Variants in NUP205 observed in about 807,000 individuals in gnomAD.
NUP205 encodes nucleoporin 205.
A neutral mutation model predicts 253.8 loss-of-function variants in NUP205; 76 were observed. That is an observed-to-expected ratio of 0.30 (90% CI 0.25 to 0.36). The LOEUF is 0.36. Ranked by LOEUF, NUP205 falls within the 10% of genes least tolerant of loss-of-function variation. The pLI, the probability that NUP205 is intolerant of heterozygous loss-of-function variation, is 1.00. For synonymous variants in NUP205, 832 were observed against 850.1 expected (o/e 0.98, Z 0.37); for missense variants, 2,162 against 2,425.5 (o/e 0.89, Z 2.28).
intron 22 of NUP205, among the ~76,000 whole-genome samples, chr7:135,612,517 T>C (rs972611577): frequency 3.3e-5 from 5 of 152,198 alleles, no homozygotes; most frequent in African/African-American, 4.8e-5. Flanking sequence ...GGGGCTGTTT[T>C]AAACAGCAAA....
At chr7:135,568,402 G>A (rs1313061083) in intron 1 of NUP205, among the ~76,000 whole-genome samples, 2 of 151,694 alleles carry the variant, frequency 1.3e-5, no homozygotes, top group African/African-American at 4.8e-5. Flanking sequence ...GCGTGATCTT[G>A]GCTCACTGCA....
intron 1 of NUP205, among the ~76,000 whole-genome samples, chr7:135,558,519 T>C (rs1805496048): frequency 6.6e-6 from 1 of 152,198 alleles, no homozygotes; most frequent in Admixed American, 6.5e-5. Flanking sequence ...GGTTAGGCCC[T>C]GGATGTTCTT....
At chr7:135,626,445 G>T (rs865993286) in intron 33 of NUP205, 84 bp downstream of exon 33, 2 of 1,433,890 alleles carry the variant, frequency 1.4e-6, no homozygotes, top group African/African-American at 1.4e-5. Context: ...TAATTTTGCC[G>T]CTTAGCAATT....
chr7:135,601,202 T>A (rs1793958511), intron 16 of NUP205, among the ~76,000 whole-genome samples, 168 bp from the exon 17 acceptor site: 2 of 152,100 alleles, frequency 1.3e-5, no homozygotes, highest in African/African-American at 4.8e-5. Context: ...ACTAACTGCT[T>A]TGTGCAGATT....
chr7:135,601,276 A>G, intron 16 of NUP205, 94 bp from the exon 17 acceptor site: 9 of 1,154,380 alleles, frequency 7.8e-6, no homozygotes, highest in South Asian at 6.0e-5. Context: ...TCTAGATGCC[A>G]TCTAATTTAC....
At chr7:135,573,387 A>G (rs1806055418) in intron 2 of NUP205, among the ~76,000 whole-genome samples, 1 of 152,182 alleles carries the variant, frequency 6.6e-6, no homozygotes, top group African/African-American at 2.4e-5. Context: ...AACTTGAAAA[A>G]TAGTATGCTA....
At chr7:135,647,971 C>A (rs553709680) in intron 42 of NUP205, among the ~76,000 whole-genome samples, 1 of 152,198 alleles carries the variant, frequency 6.6e-6, no homozygotes, top group South Asian at 2.1e-4. Context: ...TTAAAAATTG[C>A]AAAATGAAGT....
At chr7:135,616,614 G>A in intron 24 of NUP205, 41 bp from the exon 25 acceptor site, 3 of 1,187,910 alleles carry the variant, frequency 2.5e-6, no homozygotes, top group East Asian at 2.5e-5. Flanking sequence ...TTAAGAGTAT[G>A]TTCTTCTTTT....
In NUP205 at chr7:135,622,657, G is replaced by A. The variant is rs1794498360; in HGVS notation, c.4331-120G>A. 7.6e-6 allele frequency: 7 copies of A among 923,700 alleles called. No homozygotes were observed. The Admixed American group carries it at 8.4e-5, about 11-fold the overall frequency. 57.2% of individuals were successfully genotyped at this position (923,700 alleles called of 1,614,324 possible). A position where few individuals can be genotyped will look rare whatever the true frequency, so the allele number is the denominator to read the frequency against. On this transcript the variant is annotated intron_variant, in intron 30 of 42. Coordinates refer to ENST00000285968, the MANE Select transcript of NUP205 (RefSeq NM_015135.3). ...CTTTGTGTACAAGCAGTGATGGAAG[G>A]ATTTTTTTGTTGCGTTTTTTTTTTT...
chr7:135,646,653 G>C (rs1231357716), intron 42 of NUP205, among the ~76,000 whole-genome samples: 1 of 152,130 alleles, frequency 6.6e-6, no homozygotes, highest in Non-Finnish European at 1.5e-5. Context: ...AGGAAAGCCT[G>C]GTATGTTAAT....
chr7:135,570,838 T>G (rs1390563577), intron 1 of NUP205, among the ~76,000 whole-genome samples: 1 of 105,606 alleles, frequency 9.5e-6, no homozygotes, highest in Non-Finnish European at 1.8e-5. Flanking sequence ...AAATTATATA[T>G]TATATATTAC....
chr7:135,597,980 T>C lies in NUP205; in HGVS notation c.2065-18T>C, dbSNP rs1793882419. On this transcript the variant is annotated intron_variant, in intron 14 of 42. Transcript: ENST00000285968. Reference sequence around the variant, plus strand: ...TAATAGTTTTTATTACCAAGTTTTCTTTCTTTTTCTTTGGAAGGTTGAACT... The same window carrying C: ...TAATAGTTTTTATTACCAAGTTTTCCTTCTTTTTCTTTGGAAGGTTGAACT... 6.2e-7 allele frequency: 1 copy of C among 1,604,802 alleles called. No individual in the cohort carries two copies. The highest frequency in any genetic ancestry group is 8.5e-7 in the Non-Finnish European group (1 of 1,172,746).
intron 7 of NUP205, among the ~76,000 whole-genome samples, chr7:135,584,058 G>C (rs754354028): frequency 6.6e-6 from 1 of 151,830 alleles, no homozygotes; most frequent in Admixed American, 6.6e-5. Flanking sequence ...CCCGACCTCA[G>C]GTGATCCTCC....
In NUP205 at chr7:135,614,934, A is replaced by G. The variant is rs371004827; in HGVS notation, c.3310+661A>G. ...TCACACATGCCATAAACAAATTTCT[A>G]TTACTAGTAATTGTCAGCATCTAAT... On this transcript the variant is annotated intron_variant, in intron 23 of 42. Coordinates refer to ENST00000285968, the MANE Select transcript of NUP205 (RefSeq NM_015135.3). 2.2e-4 allele frequency among the ~76,000 whole-genome samples: 34 copies of G among 152,268 alleles called. No individual in the cohort carries two copies. In the East Asian group the frequency reaches 6.4e-3, roughly 29 times the overall value.
intron 35 of NUP205, among the ~76,000 whole-genome samples, chr7:135,633,236 T>C (rs1794748429): frequency 6.6e-6 from 1 of 152,012 alleles, no homozygotes; most frequent in Non-Finnish European, 1.5e-5. Flanking sequence ...AGTGCTGGGA[T>C]TACAGGCAGG....
rs555681647 is a variant in NUP205 at position 135,571,758 on chromosome 7, T to C, written c.171+511T>C. ...GTTATTTTAAAATGTATAATTATTA[T>C]TGGCTATCACCCTGTCGTGCTATCA... On this transcript the variant is annotated intron_variant, in intron 2 of 42. Transcript: ENST00000285968. Among the ~76,000 whole-genome samples the C allele has an allele frequency of 2.0e-5, 3 of 151,754 alleles. No individual in the cohort carries two copies. In the East Asian group the frequency reaches 5.8e-4, roughly 29 times the overall value.
intron 22 of NUP205, among the ~76,000 whole-genome samples, chr7:135,609,857 A>G (rs961329559): frequency 6.6e-6 from 1 of 152,212 alleles, no homozygotes; most frequent in African/African-American, 2.4e-5. Flanking sequence ...TTTGATGTAC[A>G]TATTAGCACA....
At chr7:135,643,090 G>A in intron 38 of NUP205, 102 bp from the exon 39 acceptor site, 1 of 1,104,186 alleles carries the variant, frequency 9.1e-7, no homozygotes, top group Middle Eastern at 2.8e-4. Flanking sequence ...CAGGTTACAT[G>A]TCCTTAAATT....
At chr7:135,558,212 C>A in intron 1 of NUP205, 1 of 568,018 alleles carries the variant, frequency 1.8e-6, no homozygotes, top group Non-Finnish European at 3.2e-6. Context: ...CCGCTGGACC[C>A]AGGTGTGTAA....
Sources: gnomAD v4.1 joint callset for allele counts (sites outside exome capture counted in the v4.1 genomes callset) on GRCh38, gnomAD v4.1.1 for gene constraint, MANE v1.5 for transcripts, NCBI Gene and HGNC (gene_info 2026-07-23, HGNC 2026-07-21) for gene names.